The following CSPG4 variants were observed in gnomAD, a reference collection of about 807,000 sequenced individuals.
CSPG4 encodes chondroitin sulfate proteoglycan 4 (melanoma-associated).
CSPG4 carries 74 observed loss-of-function variants against 139.3 expected under a neutral mutation model. The observed-to-expected ratio is 0.53, with a 90% CI of 0.44 to 0.64. The LOEUF is 0.64. Among genes scored for constraint, CSPG4 ranks in the 30% least tolerant of loss-of-function variants. The probability of loss-of-function intolerance (pLI) is 0.00; values close to 1 mark genes in which losing one functional copy is unlikely to be tolerated. For missense variants in CSPG4, 2,565 were observed against 3,148.3 expected (o/e 0.81, Z 4.43); for synonymous variants, 1,234 against 1,394.2 (o/e 0.89, Z 2.56).
chr15:75,690,074 C>A lies in CSPG4; in HGVS notation c.991G>T (p.Ala331Ser). 1 of 1,612,008 alleles carries A rather than the reference C, an allele frequency of 6.2e-7. No homozygotes were observed. The highest frequency in any genetic ancestry group is 8.5e-7 in the Non-Finnish European group (1 of 1,179,532). Reference sequence around the variant, plus strand: ...CGGTGTTCCTGGAGGTGACGAGAGGCCTCTGCATCCAGCCCCCCGAGAAGG... The same window carrying A: ...CGGTGTTCCTGGAGGTGACGAGAGGACTCTGCATCCAGCCCCCCGAGAAGG... ...SLLLGGLDAE[A>S]SRHLQEHRLG... Residue 331 changes from alanine to serine, a missense_variant, in exon 3 of 10, where the codon GCC (alanine) becomes TCC (serine). Ala to Ser is a moderately conservative substitution (Grantham distance 99). Transcript: ENST00000308508.
chr15:75,675,243 C>G lies in CSPG4; in HGVS notation c.*307G>C. 1 of 319,916 alleles carries G rather than the reference C, an allele frequency of 3.1e-6. No homozygotes were observed. The highest frequency in any genetic ancestry group is 5.7e-6 in the Non-Finnish European group (1 of 176,506). 19.8% of individuals were successfully genotyped at this position (319,916 alleles called of 1,614,324 possible). A position where few individuals can be genotyped will look rare whatever the true frequency, so the allele number is the denominator to read the frequency against. On this transcript the variant is annotated 3_prime_UTR_variant, in exon 10 of 10. Coordinates refer to ENST00000308508, the MANE Select transcript of CSPG4 (RefSeq NM_001897.5). ...AGACCCAGGACCCAGAGTCATGACC[C>G]ATGTAGGAGGTTACCCTGGTTTTGA...
At chr15:75,694,115 G>A (rs1251515022) in intron 1 of CSPG4, among the ~76,000 whole-genome samples, 1 of 152,230 alleles carries the variant, frequency 6.6e-6, no homozygotes, top group Non-Finnish European at 1.5e-5. Flanking sequence ...AGGCCACCAC[G>A]CAGGCTGAGG....
Position 75,675,110 on chromosome 15 carries a change from G to T in CSPG4, c.*440C>A, listed in dbSNP as rs971878027. On this transcript the variant is annotated 3_prime_UTR_variant, in exon 10 of 10. Transcript: ENST00000308508. ...GCAGAGACAAAGGGTGGCCTGGGTTGGAGTGGAAAAGCCAGGAATAGCTTC... is the reference window on the plus strand; with the variant it reads ...GCAGAGACAAAGGGTGGCCTGGGTTTGAGTGGAAAAGCCAGGAATAGCTTC... 5.9e-6 allele frequency: 2 copies of T among 337,452 alleles called. No homozygotes were observed. Among genetic ancestry groups the T allele is most frequent in the Non-Finnish European group, 1.1e-5 (2 of 187,822 alleles). 20.9% of individuals were successfully genotyped at this position (337,452 alleles called of 1,614,324 possible). A position where few individuals can be genotyped will look rare whatever the true frequency, so the allele number is the denominator to read the frequency against.
Position 75,675,735 on chromosome 15 carries a change from C to A in CSPG4, c.6784G>T (p.Ala2262Ser). Reference sequence around the variant, plus strand: ...CCAGCCAGGCCGTTGCGGGGCTTGGCAGTCAGGACCTGGACGTCATGCTTG... The same window carrying A: ...CCAGCCAGGCCGTTGCGGGGCTTGGAAGTCAGGACCTGGACGTCATGCTTG... Reference protein sequence around the residue: ...TGKHDVQVLTAKPRNGLAGDT... With the variant: ...TGKHDVQVLTSKPRNGLAGDT... The change falls in exon 10 of 10, where the codon GCC becomes TCC. Residue 2262 changes from alanine (A) to serine (S), a missense_variant. Physicochemically the swap from Ala to Ser is moderately conservative, Grantham distance 99. Around this residue, in one of 5 missense-constraint regions of CSPG4, gnomAD observed 2,316 missense variants for 2,818.2 expected, o/e 0.82. Coordinates refer to ENST00000308508, the MANE Select transcript of CSPG4 (RefSeq NM_001897.5). The A allele has an allele frequency of 6.2e-7, 1 of 1,600,458 alleles. No individual in the cohort carries two copies. Among genetic ancestry groups the A allele is most frequent in the Non-Finnish European group, 8.5e-7 (1 of 1,170,958 alleles).
At position 75,684,804 on chromosome 15, in the gene CSPG4, C is replaced by A; in HGVS notation, c.4381G>T (p.Ala1461Ser). Residue 1461 changes from alanine to serine, a missense_variant, in exon 5 of 10, where the codon GCC becomes TCC. Ala to Ser is a moderately conservative substitution (Grantham distance 99). Coordinates refer to ENST00000308508, the MANE Select transcript of CSPG4 (RefSeq NM_001897.5). Reference protein sequence around the residue: ...SEMDRQSHPVAFTVTVLPVND... With the variant: ...SEMDRQSHPVSFTVTVLPVND... Reference sequence around the variant, plus strand: ...ACAGGCAGGACAGTGACAGTGAAGGCCACAGGATGGCTCTGGCGATCCATC... The same window carrying A: ...ACAGGCAGGACAGTGACAGTGAAGGACACAGGATGGCTCTGGCGATCCATC... 1.2e-6 allele frequency: 2 copies of A among 1,613,672 alleles called. No individual in the cohort carries two copies. The highest frequency in any genetic ancestry group is 1.7e-6 in the Non-Finnish European group (2 of 1,179,886).
At chr15:75,712,629 T>C in intron 1 of CSPG4, 39 bp downstream of exon 1, 1 of 1,536,852 alleles carries the variant, frequency 6.5e-7, no homozygotes, top group Non-Finnish European at 8.8e-7. Context: ...CCCCTCTAGT[T>C]CCGCCAGGCT....
In CSPG4 at chr15:75,677,010, C is replaced by A. The variant is rs1893903553; in HGVS notation, c.5509G>T (p.Ala1837Ser). Reference protein sequence around the residue: ...DVNERPPQPQASVPLRLTRGS... With the variant: ...DVNERPPQPQSSVPLRLTRGS... ...CGGGTGAGCCGGAGTGGGACAGAGG[C>A]CTGTGGCTGAGGGGGCCGCTCATTT... Residue 1837 changes from alanine (A) to serine (S), a missense_variant, in exon 10 of 10, where the codon GCC (alanine) becomes TCC (serine). Ala to Ser is a moderately conservative substitution (Grantham distance 99). Around this residue, in one of 5 missense-constraint regions of CSPG4, gnomAD observed 2,316 missense variants for 2,818.2 expected, o/e 0.82. Transcript: ENST00000308508. The A allele has an allele frequency of 6.9e-7, 1 of 1,446,174 alleles. No homozygotes were observed. Among genetic ancestry groups the A allele is most frequent in the East Asian group, 2.6e-5 (1 of 39,190 alleles). 89.6% of individuals were successfully genotyped at this position (1,446,174 alleles called of 1,614,324 possible). A position where few individuals can be genotyped will look rare whatever the true frequency, so the allele number is the denominator to read the frequency against.
intron 8 of CSPG4, chr15:75,679,263 T>C (rs1391733486): frequency 6.4e-6 from 1 of 156,820 alleles, no homozygotes; most frequent in African/African-American, 2.4e-5. Flanking sequence ...TCAGAGACTA[T>C]AGCTCCGTTT....
Position 75,677,326 on chromosome 15 carries a change from G to A in CSPG4, c.5193C>T (p.Ser1731=). 1 of 1,421,896 alleles carries A rather than the reference G, an allele frequency of 7.0e-7. No homozygotes were observed. Among genetic ancestry groups the A allele is most frequent in the African/African-American group, 1.5e-5 (1 of 68,680 alleles). The allele number at this position is 1,421,896 out of a possible 1,614,324, so 88.1% of individuals were successfully genotyped here. Residue 1731 remains serine (S), a synonymous_variant, in exon 10 of 10, where the codon TCC becomes TCT. Coordinates refer to ENST00000308508, the MANE Select transcript of CSPG4 (RefSeq NM_001897.5). ...GTGATGGAACGCTGGCCAAGAGATT[G>A]GAGGCATCCAGAGCAGCCACGGTGA... ...ARITVAALDA[S]NLLASVPSPQ...
chr15:75,710,615 C>G (rs1333064022), intron 1 of CSPG4, among the ~76,000 whole-genome samples: 1 of 152,190 alleles, frequency 6.6e-6, no homozygotes, highest in East Asian at 1.9e-4. Flanking sequence ...GCCAGGCCCC[C>G]TGACCTGGAT....
In CSPG4 at chr15:75,685,704, G is replaced by T; in HGVS notation, c.3790-3C>A. On this transcript the variant is annotated splice_polypyrimidine_tract_variant and splice_region_variant and intron_variant, in intron 3 of 9. Transcript: ENST00000308508. ...GGTGGCACTGCCTCCTGGGCTGCCT[G>T]GTTAACAGAGGTCACAAGGACTCAC... 2 of 1,582,560 alleles carry T rather than the reference G, an allele frequency of 1.3e-6. No individual in the cohort carries two copies. The highest frequency in any genetic ancestry group is 1.1e-5 in the South Asian group (1 of 87,508).
chr15:75,687,349 A>G lies in CSPG4; in HGVS notation c.3716T>C (p.Leu1239Pro), dbSNP rs370571223. The G allele has an allele frequency of 6.2e-7, 1 of 1,612,628 alleles. No individual in the cohort carries two copies. The highest frequency in any genetic ancestry group is 1.3e-5 in the African/African-American group (1 of 74,926). Residue 1239 changes from leucine (L) to proline (P), a missense_variant, in exon 3 of 10, where the codon CTG (leucine) becomes CCG (proline). This residue lies in a region of CSPG4 where 2,316 missense variants were observed against 2,818.2 expected (regional missense o/e 0.82). Transcript: ENST00000308508. The surrounding 1 kb of genome is among the most constrained non-coding windows in gnomAD (Gnocchi z 5.4). ...GATCTTCTTGTGCCGGACCAGCTTC[A>G]GTGGGGCCAGTGGGCCCTCTAGGGC... Reference protein sequence around the residue: ...TIALEGPLAPLKLVRHKKIYV... With the variant: ...TIALEGPLAPPKLVRHKKIYV...
In CSPG4 at chr15:75,676,561, C is replaced by G. The variant is rs1281660780; in HGVS notation, c.5958G>C (p.Gln1986His). The change falls in exon 10 of 10, where the codon CAG (glutamine) becomes CAC (histidine). Residue 1986 changes from glutamine to histidine, a missense_variant. Physicochemically the swap from Gln to His is conservative, Grantham distance 24. Around this residue, in one of 5 missense-constraint regions of CSPG4, gnomAD observed 2,316 missense variants for 2,818.2 expected, o/e 0.82. Coordinates refer to ENST00000308508, the MANE Select transcript of CSPG4 (RefSeq NM_001897.5). ...EAAYRLIQGP[Q>H]YGHLLVGGRP... ...GCCCGCCCACCAGGAGATGCCCATA[C>G]TGGGGTCCCTGGATGAGGCGGTATG... 2 of 1,613,642 alleles carry G rather than the reference C, an allele frequency of 1.2e-6. No individual in the cohort carries two copies. Among genetic ancestry groups the G allele is most frequent in the Admixed American group, 3.3e-5 (2 of 60,030 alleles).
chr15:75,707,629 G>A (rs1278652423), intron 1 of CSPG4, among the ~76,000 whole-genome samples: 4 of 152,182 alleles, frequency 2.6e-5, no homozygotes, highest in African/African-American at 7.2e-5. Context: ...CCCAGACTTG[G>A]GGAAGGACAT....
chr15:75,687,443 G>C lies in CSPG4; in HGVS notation c.3622C>G (p.Arg1208Gly). The change falls in exon 3 of 10, where the codon CGC (arginine) becomes GGC (glycine). Residue 1208 changes from arginine to glycine, a missense_variant. Coordinates refer to ENST00000308508, the MANE Select transcript of CSPG4 (RefSeq NM_001897.5). This position sits in a 1 kb window ranked among gnomAD's most constrained non-coding sequence, Gnocchi z 5.4. ...LYSHNGSLSP[R>G]DTMAFSVEAG... ...TCCACGGAGAAGGCCATGGTGTCGC[G>C]GGGGCTGAGGCTGCCATTGTGGCTA... The C allele has an allele frequency of 1.9e-6, 3 of 1,612,286 alleles. No homozygotes were observed. Among genetic ancestry groups the C allele is most frequent in the Non-Finnish European group, 2.5e-6 (3 of 1,179,438 alleles).
At chr15:75,706,872 T>C (rs1222112024) in intron 1 of CSPG4, among the ~76,000 whole-genome samples, 1 of 151,680 alleles carries the variant, frequency 6.6e-6, no homozygotes, top group African/African-American at 2.4e-5. Flanking sequence ...AATCTGAAAA[T>C]TCAAAATCCA....
intron 8 of CSPG4, chr15:75,679,605 T>C (rs1893944035): frequency 6.6e-6 from 1 of 152,260 alleles, no homozygotes; most frequent in East Asian, 1.9e-4. Context: ...CCAAAGAATA[T>C]TCTTCGCTCC....
chr15:75,710,377 T>C (rs1035641240), intron 1 of CSPG4, among the ~76,000 whole-genome samples: 1 of 152,152 alleles, frequency 6.6e-6, no homozygotes, highest in Non-Finnish European at 1.5e-5. Context: ...GGGCCTCCCA[T>C]ACAGCTCAGA....
rs749379280 is a variant in CSPG4, at chr15:75,688,872, G to A, written c.2193C>T (p.Phe731=). The change falls in exon 3 of 10, where the codon TTC becomes TTT. Residue 731 remains phenylalanine (F), a synonymous_variant. Coordinates refer to ENST00000308508, the MANE Select transcript of CSPG4 (RefSeq NM_001897.5). ...GGCCCTGCTCCACATCCCGCTGGTGGAACGCCTGTGTGGCCCACCACTCAG... is the reference window on the plus strand; with the variant it reads ...GGCCCTGCTCCACATCCCGCTGGTGAAACGCCTGTGTGGCCCACCACTCAG... The part of the protein sequence containing the change: ...EGAEWWATQA[F]HQRDVEQGRV... 2 of 1,612,296 alleles carry A rather than the reference G, an allele frequency of 1.2e-6. No individual in the cohort carries two copies. Among genetic ancestry groups the A allele is most frequent in the East Asian group, 2.2e-5 (1 of 44,884 alleles).
Sources: gnomAD v4.1 joint callset for allele counts (sites outside exome capture counted in the v4.1 genomes callset) on GRCh38, gnomAD v4.1.1 for gene constraint, gnomAD v4.1.1 regional missense constraint, Gnocchi (gnomAD v3.1) non-coding constraint, MANE v1.5 for transcripts, NCBI Gene and HGNC (gene_info 2026-07-23, HGNC 2026-07-21) for gene names.